Variants in DYNC1I1 observed in about 807,000 individuals in gnomAD.
The protein encoded by DYNC1I1 is dynein cytoplasmic 1 intermediate chain 1.
A neutral mutation model predicts 86.6 loss-of-function variants in DYNC1I1; 43 were observed. The observed-to-expected ratio is 0.50, with a 90% CI of 0.39 to 0.64. The LOEUF is 0.64. Among genes scored for constraint, DYNC1I1 ranks in the 30% least tolerant of loss-of-function variants. The pLI is 0.00. For missense variants in DYNC1I1, 604 were observed against 788.8 expected (o/e 0.77, Z 2.81); for synonymous variants, 262 against 283.7 (o/e 0.92, Z 0.77).
intron 5 of DYNC1I1, among the ~76,000 whole-genome samples, chr7:95,842,482 G>T (rs1486675982): frequency 6.6e-6 from 1 of 152,130 alleles, no homozygotes; most frequent in Non-Finnish European, 1.5e-5. Flanking sequence ...AATTCTTGGG[G>T]ACTGCAGATA....
At chr7:96,090,576 G>A (rs1318727325) in intron 16 of DYNC1I1, among the ~76,000 whole-genome samples, 1 of 151,628 alleles carries the variant, frequency 6.6e-6, no homozygotes, top group Admixed American at 6.6e-5. Context: ...AAAGATACAA[G>A]GGAAGAGACC....
At chr7:95,976,851 A>G (rs571261779) in intron 6 of DYNC1I1, among the ~76,000 whole-genome samples, 1 of 152,328 alleles carries the variant, frequency 6.6e-6, no homozygotes, top group South Asian at 2.1e-4. Flanking sequence ...ATACATTTGC[A>G]TAGGGCAGGA....
intron 14 of DYNC1I1, among the ~76,000 whole-genome samples, chr7:96,065,185 C>CAT: frequency 6.6e-6 from 1 of 152,062 alleles, no homozygotes; most frequent in Non-Finnish European, 1.5e-5. Flanking sequence ...CTAATTGCTA[C>CAT]ATTCAATGGT....
intron 7 of DYNC1I1, among the ~76,000 whole-genome samples, chr7:95,980,969 CT>C (rs1291657632): frequency 1.3e-5 from 2 of 152,106 alleles, no homozygotes; most frequent in African/African-American, 4.8e-5. Context: ...ATGAGAGCCA[CT>C]GTCCTTATTT....
intron 5 of DYNC1I1, among the ~76,000 whole-genome samples, chr7:95,843,644 A>T (rs958783293): frequency 2.0e-5 from 3 of 152,206 alleles, no homozygotes; most frequent in Admixed American, 6.5e-5. Context: ...TATGTTAACT[A>T]TGTGATTAGC....
rs766476676 is a variant in DYNC1I1 at position 96,039,261 on chromosome 7, TG to T, written c.1365-15del. 1 of 1,608,948 alleles carries T rather than the reference TG, an allele frequency of 6.2e-7. No individual in the cohort carries two copies. Among genetic ancestry groups the T allele is most frequent in the Non-Finnish European group, 8.5e-7 (1 of 1,177,410 alleles). The stretch of plus-strand genomic sequence containing the variant: ...AGAGGTCACTGGAATTCTGCTCATG[TG>T]TGCTCTTCCTACAGCAAAGCAGGTA... On this transcript the variant is annotated splice_polypyrimidine_tract_variant and intron_variant, in intron 13 of 16. Transcript: ENST00000447467.
At chr7:95,896,001 C>A (rs1044204043) in intron 6 of DYNC1I1, among the ~76,000 whole-genome samples, 2 of 152,178 alleles carry the variant, frequency 1.3e-5, no homozygotes, top group Non-Finnish European at 2.9e-5. Flanking sequence ...GGGCAGTTAT[C>A]TGAGAGAAGA....
intron 1 of DYNC1I1, among the ~76,000 whole-genome samples, chr7:95,793,843 A>T (rs1430792071): frequency 6.6e-6 from 1 of 152,192 alleles, no homozygotes; most frequent in Non-Finnish European, 1.5e-5. Context: ...GCCCAATGTG[A>T]TGCTGAAGAG....
chr7:95,857,294 C>T (rs1278342678), intron 5 of DYNC1I1, among the ~76,000 whole-genome samples: 1 of 152,146 alleles, frequency 6.6e-6, no homozygotes, highest in African/African-American at 2.4e-5. Context: ...TTTTTTGATT[C>T]ATTGGTTGGA....
chr7:95,810,551 C>T (rs758740767), intron 3 of DYNC1I1, 45 bp downstream of exon 3: 9 of 1,521,152 alleles, frequency 5.9e-6, no homozygotes, highest in South Asian at 1.2e-5. Flanking sequence ...AATCAACTTG[C>T]GTGGGATATA....
Position 95,835,927 on chromosome 7 carries a change from A to G in DYNC1I1, c.374+7811A>G, listed in dbSNP as rs1465090609. ...CTGATGGGTCTTGACTCTTTATCCA[A>G]TTTGCCAGTCTGTATCTTTTAATTG... On this transcript the variant is annotated intron_variant, in intron 5 of 16. Coordinates refer to ENST00000447467, the MANE Select transcript of DYNC1I1 (RefSeq NM_001135556.2). 3.3e-5 allele frequency among the ~76,000 whole-genome samples: 5 copies of G among 152,258 alleles called. No individual in the cohort carries two copies. The East Asian group carries it at 5.8e-4, about 18-fold the overall frequency.
chr7:96,081,383 A>T (rs1462994761), intron 16 of DYNC1I1, among the ~76,000 whole-genome samples: 2 of 151,816 alleles, frequency 1.3e-5, no homozygotes, highest in African/African-American at 2.4e-5. Flanking sequence ...TTGAATTTGC[A>T]TACGATCTTA....
intron 6 of DYNC1I1, among the ~76,000 whole-genome samples, chr7:95,942,157 C>T (rs1792244229): frequency 6.6e-6 from 1 of 152,104 alleles, no homozygotes; most frequent in Admixed American, 6.5e-5. Flanking sequence ...AGAGAAGAAT[C>T]AAATACACGC....
At chr7:95,903,053 T>C (rs1398845797) in intron 6 of DYNC1I1, among the ~76,000 whole-genome samples, 1 of 152,168 alleles carries the variant, frequency 6.6e-6, no homozygotes, top group Non-Finnish European at 1.5e-5. Flanking sequence ...GGGCATGAGA[T>C]AGCCTAGTGG....
chr7:96,036,812 G>A (rs1203423441), intron 13 of DYNC1I1, among the ~76,000 whole-genome samples: 1 of 152,152 alleles, frequency 6.6e-6, no homozygotes, highest in Admixed American at 6.6e-5. Flanking sequence ...CAATGCCCCT[G>A]GAAAAGAGTT....
rs536837431 is a variant in DYNC1I1, at chr7:95,852,287, G to T, written c.375-17596G>T. 5.9e-5 allele frequency among the ~76,000 whole-genome samples: 9 copies of T among 151,814 alleles called. 1 individual carries two copies. Among genetic ancestry groups the T allele is most frequent in the African/African-American group, 1.2e-4 (5 of 41,468 alleles). ...CCATTTCTTTTGGGTTATTCTATTT[G>T]TTGTCATATAATTGTTCATAATAGT... On this transcript the variant is annotated intron_variant, in intron 5 of 16. Coordinates refer to ENST00000447467, the MANE Select transcript of DYNC1I1 (RefSeq NM_001135556.2).
rs550750639 is a variant in DYNC1I1 at position 96,098,203 on chromosome 7, C to T, written c.*610C>T. On this transcript the variant is annotated 3_prime_UTR_variant, in exon 17 of 17. Coordinates refer to ENST00000447467, the MANE Select transcript of DYNC1I1 (RefSeq NM_001135556.2). ...CTGCTGTTGAGGTTATATTAAGTTC[C>T]ACATAGCAATTACAGTATGCCAGTT... 1.4e-4 allele frequency: 138 copies of T among 985,856 alleles called. No individual in the cohort carries two copies. The African/African-American group carries it at 2.3e-3, about 16-fold the overall frequency. 61.1% of individuals were successfully genotyped at this position (985,856 alleles called of 1,614,324 possible).
intron 5 of DYNC1I1, among the ~76,000 whole-genome samples, chr7:95,845,331 G>A (rs1283390839): frequency 2.0e-5 from 3 of 152,308 alleles, no homozygotes; most frequent in South Asian, 2.1e-4. Flanking sequence ...CCTCAGGATG[G>A]TGGTAGGTAT....
chr7:96,096,990 T>A (rs1791029941), intron 16 of DYNC1I1, among the ~76,000 whole-genome samples: 1 of 152,182 alleles, frequency 6.6e-6, no homozygotes, highest in Admixed American at 6.5e-5. Context: ...CCAAGTACTA[T>A]TTCATAGGAG....
Sources: gnomAD v4.1 joint callset for allele counts (sites outside exome capture counted in the v4.1 genomes callset) on GRCh38, gnomAD v4.1.1 for gene constraint, MANE v1.5 for transcripts, NCBI Gene and HGNC (gene_info 2026-07-23, HGNC 2026-07-21) for gene names.